Variants in SNORC observed in about 807,000 individuals in gnomAD.
SNORC encodes secondary ossification center associated regulator of chondrocyte maturation, also known as protein SNORC.
Under a neutral mutation model 9.7 loss-of-function variants are expected in SNORC, and 11 were observed. The ratio of observed to expected loss-of-function variants is 1.14; its 90% CI spans 0.72 to 1.88. The LOEUF (loss-of-function observed/expected upper bound fraction) is 1.88. Among genes scored for constraint, SNORC ranks in the 40% most tolerant of loss-of-function variants. The probability of loss-of-function intolerance (pLI) is 0.00; values close to 1 mark genes in which losing one functional copy is unlikely to be tolerated. For synonymous variants in SNORC, 108 were observed against 88.7 expected (o/e 1.22, Z -1.22); for missense variants, 197 against 173.1 (o/e 1.14, Z -0.77).
upstream of SNORC, among the ~76,000 whole-genome samples, chr2:232,867,538 G>T (rs1690902645): frequency 6.6e-6 from 1 of 152,142 alleles, no homozygotes; most frequent in South Asian, 2.1e-4. Context: ...ATAATCATTT[G>T]AAATACAATT....
In SNORC at chr2:232,876,094, C is replaced by CGCGCA; in HGVS notation, c.230_234dup (p.Glu79ArgfsTer21). 1 of 1,514,372 alleles carries CGCGCA rather than the reference C, an allele frequency of 6.6e-7. No homozygotes were observed. The highest frequency in any genetic ancestry group is 8.8e-7 in the Non-Finnish European group (1 of 1,138,234). 93.8% of individuals were successfully genotyped at this position (1,514,372 alleles called of 1,614,324 possible). A position where few individuals can be genotyped will look rare whatever the true frequency, so the allele number is the denominator to read the frequency against. ...TCGCGCCAGGACCCGAGGACAGCAC[C>CGCGCA]GCGCAGGAGCGGCTGGACCAGGGCG... On this transcript the variant is annotated frameshift_variant, in exon 2 of 3. Transcript: ENST00000331342. LOFTEE classifies it high-confidence loss of function. This position sits in a 1 kb window ranked among gnomAD's most constrained non-coding sequence, Gnocchi z 6.8.
exon 2 of SNORC, chr2:232,875,981 C>T (rs866157574): frequency 6.4e-7 from 1 of 1,555,014 alleles, no homozygotes; most frequent in Non-Finnish European, 8.7e-7. Flanking sequence ...GTGGAACGAG[C>T]CGGCCGAGCT....
chr2:232,877,144 C>G (rs923250883), downstream of SNORC: 1 of 985,610 alleles, frequency 1.0e-6, no homozygotes, highest in Non-Finnish European at 1.2e-6. Context: ...CAGGATGAGT[C>G]GAGAGTCGAC....
At chr2:232,866,824 C>A (rs1249084706), upstream of SNORC, among the ~76,000 whole-genome samples, 2 of 152,198 alleles carry the variant, frequency 1.3e-5, no homozygotes, top group Non-Finnish European at 1.5e-5. Flanking sequence ...AACAATTCTC[C>A]TGCCTCAGCC....
upstream of SNORC, chr2:232,868,968 A>C (rs1690928948): frequency 6.6e-6 from 1 of 152,220 alleles, no homozygotes; most frequent in Admixed American, 6.5e-5. Context: ...ATACTAATTT[A>C]TTGCTAGCAT....
At chr2:232,870,156 TTGTG>T, upstream of SNORC, 1 of 628,236 alleles carries the variant, frequency 1.6e-6, no homozygotes, top group Non-Finnish European at 2.9e-6. Context: ...CTGTGAGCTC[TTGTG>T]TGTGTGTGTT....
intron 1 of SNORC, chr2:232,875,539 C>T (rs1383169072): frequency 3.5e-5 from 14 of 398,858 alleles, no homozygotes; most frequent in South Asian, 1.5e-4. Context: ...GGGAGGACAA[C>T]TGGGGTGGGC....
upstream of SNORC, among the ~76,000 whole-genome samples, chr2:232,867,022 A>G (rs1291823965): frequency 1.3e-5 from 2 of 152,174 alleles, no homozygotes; most frequent in Admixed American, 6.5e-5. Flanking sequence ...CGAACTCGTT[A>G]CCTCAAGTGA....
At chr2:232,868,954 CTT>C (rs1690928299), upstream of SNORC, 1 of 152,178 alleles carries the variant, frequency 6.6e-6, no homozygotes, top group Admixed American at 6.5e-5. Context: ...ATCTTACTAA[CTT>C]GATACTAATT....
chr2:232,876,558 C>T (rs1691258235), downstream of SNORC: 1 of 1,176,034 alleles, frequency 8.5e-7, no homozygotes, highest in Admixed American at 4.7e-5. The surrounding 1 kb of genome is among the most constrained non-coding windows in gnomAD (Gnocchi z 6.8). Context: ...CCGAATTCCC[C>T]GCAGGGGCGC....
chr2:232,866,944 G>C (rs994974268), upstream of SNORC, among the ~76,000 whole-genome samples: 1 of 152,166 alleles, frequency 6.6e-6, no homozygotes, highest in East Asian at 1.9e-4. Context: ...GTTTAGTAGA[G>C]ACAGGGTTTC....
downstream of SNORC, chr2:232,877,297 C>A (rs962253036): frequency 8.1e-6 from 8 of 985,320 alleles, no homozygotes; most frequent in African/African-American, 1.4e-4. Flanking sequence ...CTCAGAGAGT[C>A]GGGGCGGAGT....
At chr2:232,876,600 G>C, downstream of SNORC, 1 of 1,103,226 alleles carries the variant, frequency 9.1e-7, no homozygotes, top group Non-Finnish European at 1.1e-6. This position sits in a 1 kb window ranked among gnomAD's most constrained non-coding sequence, Gnocchi z 6.8. Flanking sequence ...GCATGTCCGA[G>C]CCCGCCTGCG....
intron 1 of SNORC, among the ~76,000 whole-genome samples, chr2:232,874,747 C>T (rs947653004): frequency 6.6e-6 from 1 of 152,324 alleles, no homozygotes; most frequent in East Asian, 1.9e-4. Context: ...AAAAGGTGCC[C>T]TAGGGTCGCC....
chr2:232,876,976 T>A, downstream of SNORC: 2 of 985,520 alleles, frequency 2.0e-6, no homozygotes, highest in Non-Finnish European at 2.4e-6. The surrounding 1 kb of genome is among the most constrained non-coding windows in gnomAD (Gnocchi z 6.8). Context: ...CGCCGCTCCT[T>A]GAGGCCGGGG....
At chr2:232,870,302 C>G in exon 1 of SNORC, 1 of 1,539,324 alleles carries the variant, frequency 6.5e-7, no homozygotes, top group Non-Finnish European at 8.8e-7. Context: ...GCGCAGTCCT[C>G]CGTGCGTCCC....
intron 1 of SNORC, among the ~76,000 whole-genome samples, chr2:232,872,663 G>A (rs192006684): frequency 6.6e-6 from 1 of 152,110 alleles, no homozygotes; most frequent in Non-Finnish European, 1.5e-5. Context: ...CCTATTCACT[G>A]TCCGCCTGGC....
exon 1 of SNORC, chr2:232,870,351 T>C: frequency 6.4e-7 from 1 of 1,561,248 alleles, no homozygotes; most frequent in East Asian, 2.4e-5. Context: ...GATGGCATCC[T>C]GTCTGGCCCT....
chr2:232,877,081 G>A, downstream of SNORC: 1 of 985,934 alleles, frequency 1.0e-6, no homozygotes. Flanking sequence ...GGCCCCATCC[G>A]CGGGCTCAGA....
Sources: allele counts gnomAD v4.1 joint callset (sites outside exome capture counted in the v4.1 genomes callset), GRCh38; gene constraint gnomAD v4.1.1; non-coding constraint Gnocchi (gnomAD v3.1); transcripts MANE v1.5; gene names NCBI Gene and HGNC (gene_info 2026-07-23, HGNC 2026-07-21).